Variants in ERC2 observed in about 807,000 individuals in gnomAD.
ERC2 encodes ELKS/RAB6-interacting/CAST family member 2.
In ERC2, 42 loss-of-function variants were observed where a neutral mutation model predicts 114.8. The ratio of observed to expected loss-of-function variants is 0.37; its 90% confidence interval spans 0.29 to 0.47. The LOEUF (loss-of-function observed/expected upper bound fraction) is 0.47, where lower values mean the gene tolerates loss of function less well. Ranked by LOEUF, ERC2 falls within the 20% of genes least tolerant of loss-of-function variation. The probability of loss-of-function intolerance (pLI) is 0.99; values close to 1 mark genes in which losing one functional copy is unlikely to be tolerated. For synonymous variants in ERC2, 454 were observed against 425.5 expected (o/e 1.07, Z -0.82); for missense variants, 939 against 1,150.7 (o/e 0.82, Z 2.66).
intron 6 of ERC2, among the ~76,000 whole-genome samples, chr3:56,087,078 A>G (rs73831892): frequency 0.019 from 2,945 of 152,206 alleles, 76 homozygotes; most frequent in African/African-American, 0.067. Flanking sequence ...TGAATTTCCA[A>G]TTTTTACATA....
chr3:56,334,733 A>G (rs142342463), intron 2 of ERC2, among the ~76,000 whole-genome samples: 3 of 152,330 alleles, frequency 2.0e-5, no homozygotes, highest in Non-Finnish European at 4.4e-5. Context: ...AGTTGATGAT[A>G]AAAACTTCAT....
intron 2 of ERC2, among the ~76,000 whole-genome samples, chr3:56,347,168 T>A (rs2058342956): frequency 6.6e-6 from 1 of 152,146 alleles, no homozygotes; most frequent in African/African-American, 2.4e-5. Flanking sequence ...CTAAATTATG[T>A]TTGCAAAACT....
At chr3:55,621,107 A>T (rs952074252) in intron 17 of ERC2, among the ~76,000 whole-genome samples, 5 of 151,972 alleles carry the variant, frequency 3.3e-5, no homozygotes, top group Middle Eastern at 3.2e-3. Flanking sequence ...CCCCATTTCC[A>T]TTCTGTCCCC....
intron 17 of ERC2, among the ~76,000 whole-genome samples, chr3:55,644,726 ATATC>A (rs1484371288): frequency 1.3e-5 from 2 of 150,960 alleles, no homozygotes; most frequent in African/African-American, 4.9e-5. Context: ...GGGGTTATTT[ATATC>A]TATGATCTAG....
At chr3:56,356,888 G>A (rs943095587) in intron 2 of ERC2, among the ~76,000 whole-genome samples, 1 of 152,132 alleles carries the variant, frequency 6.6e-6, no homozygotes, top group Admixed American at 6.5e-5. Context: ...CTTTATTGAT[G>A]AGCAAACTGA....
intron 3 of ERC2, among the ~76,000 whole-genome samples, chr3:56,196,912 C>CT (rs1195327499): frequency 6.6e-6 from 1 of 152,122 alleles, no homozygotes; most frequent in East Asian, 1.9e-4. Flanking sequence ...GGGAATAACA[C>CT]TGCTAATCCC....
chr3:55,536,719 T>G (rs2054022605), intron 17 of ERC2, among the ~76,000 whole-genome samples: 1 of 152,206 alleles, frequency 6.6e-6, no homozygotes. Context: ...GGGAAATAAC[T>G]GAAGGGTAGG....
chr3:55,631,031 TAGAG>T (rs1471378284), intron 17 of ERC2, among the ~76,000 whole-genome samples: 2 of 152,044 alleles, frequency 1.3e-5, no homozygotes, highest in Non-Finnish European at 2.9e-5. Context: ...TAGCTATATA[TAGAG>T]AAAGAGAGGC....
At chr3:56,204,655 A>G (rs2048607438) in intron 3 of ERC2, among the ~76,000 whole-genome samples, 1 of 151,826 alleles carries the variant, frequency 6.6e-6, no homozygotes, top group Non-Finnish European at 1.5e-5. Flanking sequence ...GTCGTGTACC[A>G]CCATGCCCAG....
intron 14 of ERC2, among the ~76,000 whole-genome samples, chr3:55,736,515 C>A (rs997663874): frequency 2.0e-5 from 3 of 152,100 alleles, no homozygotes; most frequent in Admixed American, 1.3e-4. Context: ...TTTTATAGAA[C>A]TCTTTGCCAT....
intron 14 of ERC2, among the ~76,000 whole-genome samples, chr3:55,758,894 A>G (rs1369595059): frequency 1.3e-5 from 2 of 152,226 alleles, no homozygotes; most frequent in Non-Finnish European, 2.9e-5. Flanking sequence ...ATTAAAAGAG[A>G]GTCCATTTTG....
intron 13 of ERC2, among the ~76,000 whole-genome samples, chr3:55,921,925 T>A (rs967658141): frequency 6.6e-6 from 1 of 152,098 alleles, no homozygotes; most frequent in Non-Finnish European, 1.5e-5. Flanking sequence ...TTAAATGATA[T>A]CAGACTCTCT....
At chr3:56,394,268 T>G (rs1427589686) in intron 2 of ERC2, among the ~76,000 whole-genome samples, 1 of 151,914 alleles carries the variant, frequency 6.6e-6, no homozygotes, top group Non-Finnish European at 1.5e-5. Context: ...GAGATGAAAT[T>G]AATTAATTTT....
intron 2 of ERC2, among the ~76,000 whole-genome samples, chr3:56,304,412 A>C (rs1364409067): frequency 1.3e-5 from 2 of 152,256 alleles, no homozygotes; most frequent in Non-Finnish European, 2.9e-5. Flanking sequence ...AATCCTGAAG[A>C]GTTCTGCAGC....
At chr3:55,724,789 C>T (rs1016189009) in intron 15 of ERC2, among the ~76,000 whole-genome samples, 1 of 152,188 alleles carries the variant, frequency 6.6e-6, no homozygotes, top group African/African-American at 2.4e-5. Context: ...CACAGTCTAA[C>T]AGCTGGATTC....
intron 7 of ERC2, among the ~76,000 whole-genome samples, chr3:56,043,095 G>A (rs2075280846): frequency 6.6e-6 from 1 of 152,142 alleles, no homozygotes; most frequent in African/African-American, 2.4e-5. Flanking sequence ...CAAGAGGTCT[G>A]GAGCCCGCAA....
chr3:55,835,145 G>A (rs886879973), intron 14 of ERC2, among the ~76,000 whole-genome samples: 1 of 152,028 alleles, frequency 6.6e-6, no homozygotes, highest in East Asian at 1.9e-4. Context: ...AGGACCAGAT[G>A]GATTCACAGC....
chr3:55,849,338 A>C (rs1220909447), intron 14 of ERC2, among the ~76,000 whole-genome samples: 3 of 152,178 alleles, frequency 2.0e-5, no homozygotes, highest in Admixed American at 6.5e-5. Flanking sequence ...AGAAGTGTTC[A>C]ATGTATTCCC....
chr3:55,732,376 C>T (rs904259826), intron 15 of ERC2, among the ~76,000 whole-genome samples: 1 of 152,120 alleles, frequency 6.6e-6, no homozygotes, highest in African/African-American at 2.4e-5. Flanking sequence ...CACGAAGGAG[C>T]CCATCCTCTT....
Sources: allele counts gnomAD v4.1 joint callset (sites outside exome capture counted in the v4.1 genomes callset), GRCh38; gene constraint gnomAD v4.1.1; transcripts MANE v1.5; gene names NCBI Gene and HGNC (gene_info 2026-07-23, HGNC 2026-07-21).